The following EPB41L2 variants were observed in gnomAD, a reference collection of about 807,000 sequenced individuals.
The protein encoded by EPB41L2 is band 4.1-like protein 2.
EPB41L2 carries 43 observed loss-of-function variants against 113.0 expected under a neutral mutation model. The observed-to-expected ratio is 0.38, with a 90% confidence interval of 0.30 to 0.49. The LOEUF (loss-of-function observed/expected upper bound fraction) is 0.49, where lower values mean the gene tolerates loss of function less well. Ranked by LOEUF, EPB41L2 falls within the 20% of genes least tolerant of loss-of-function variation. The pLI is 0.95. For synonymous variants in EPB41L2, 442 were observed against 436.7 expected (o/e 1.01, Z -0.15); for missense variants, 1,147 against 1,223.4 (o/e 0.94, Z 0.93).
At chr6:131,005,668 AGGC>A (rs1785342679) in intron 1 of EPB41L2, among the ~76,000 whole-genome samples, 5 of 152,318 alleles carry the variant, frequency 3.3e-5, no homozygotes, top group African/African-American at 9.6e-5. Flanking sequence ...CCTACTTAAA[AGGC>A]AAATCTCAGT....
At chr6:130,906,995 AAACAT>A (rs1200162691) in intron 5 of EPB41L2, among the ~76,000 whole-genome samples, 15 of 152,222 alleles carry the variant, frequency 9.9e-5, no homozygotes, top group South Asian at 4.1e-4. Flanking sequence ...CAGATAATCA[AAACAT>A]AAGAACATGA....
intron 3 of EPB41L2, among the ~76,000 whole-genome samples, chr6:130,934,064 T>C (rs756412262): frequency 1.3e-5 from 2 of 152,170 alleles, no homozygotes; most frequent in Non-Finnish European, 2.9e-5. Flanking sequence ...AAGAAAGGTA[T>C]GCACAGAGCA....
rs189285314 is a variant in EPB41L2, at chr6:131,000,426, A to T, written c.-14-43927T>A. Among the ~76,000 whole-genome samples, 2 of 152,138 alleles carry T rather than the reference A, an allele frequency of 1.3e-5. 1 individual carries two copies. Among genetic ancestry groups the T allele is most frequent in the East Asian group, 3.9e-4 (2 of 5,180 alleles). ...TTACACATAACTTTTAGGAAGAAAA[A>T]TACAAGCTGTCTCCCAGGAAATCTG... On this transcript the variant is annotated intron_variant, in intron 1 of 19. Transcript: ENST00000337057.
intron 1 of EPB41L2, among the ~76,000 whole-genome samples, chr6:131,035,204 A>T (rs1793051403): frequency 6.6e-6 from 1 of 152,242 alleles, no homozygotes; most frequent in Admixed American, 6.5e-5. Context: ...TACTTAAGGA[A>T]GGAAATGCCA....
chr6:130,917,137 C>T (rs187867103), intron 4 of EPB41L2, among the ~76,000 whole-genome samples: 5 of 152,290 alleles, frequency 3.3e-5, no homozygotes, highest in Admixed American at 3.3e-4. Context: ...GATATGCAAC[C>T]ACAGTCATCA....
intron 3 of EPB41L2, among the ~76,000 whole-genome samples, chr6:130,933,548 GT>G (rs577119694): frequency 0.011 from 1,231 of 109,752 alleles, 14 homozygotes; most frequent in African/African-American, 0.044. Flanking sequence ...CAGAGTTTTA[GT>G]TTTTTTAAAA....
intron 1 of EPB41L2, among the ~76,000 whole-genome samples, chr6:130,964,901 C>T (rs1422955386): frequency 1.3e-5 from 2 of 152,192 alleles, no homozygotes; most frequent in Non-Finnish European, 2.9e-5. Flanking sequence ...CAAACCCAGG[C>T]CGTCCAGCTC....
intron 1 of EPB41L2, among the ~76,000 whole-genome samples, chr6:131,025,749 TA>T (rs924533358): frequency 1.3e-5 from 2 of 152,134 alleles, no homozygotes; most frequent in Non-Finnish European, 2.9e-5. Flanking sequence ...CCAAACCCCC[TA>T]AAGTATGGAA....
chr6:130,890,877 C>T (rs545698251), intron 10 of EPB41L2, among the ~76,000 whole-genome samples: 1 of 152,212 alleles, frequency 6.6e-6, no homozygotes, highest in Admixed American at 6.5e-5. Flanking sequence ...AAGAAAACAT[C>T]TAACTCAGGA....
Position 130,926,722 on chromosome 6 carries a change from T to A in EPB41L2, c.706-13A>T, listed in dbSNP as rs1804863279. ...CCTTGGCATGTTTCTGGAGAAAAAA[T>A]AATAACTTTACTTTTCAAGTACTAA... On this transcript the variant is annotated splice_polypyrimidine_tract_variant and intron_variant, in intron 3 of 19. Transcript: ENST00000337057. 6.4e-7 allele frequency: 1 copy of A among 1,554,936 alleles called. No homozygotes were observed. Among genetic ancestry groups the A allele is most frequent in the Non-Finnish European group, 8.7e-7 (1 of 1,144,560 alleles).
intron 1 of EPB41L2, among the ~76,000 whole-genome samples, chr6:131,007,563 A>C (rs1210524770): frequency 6.6e-6 from 1 of 152,160 alleles, no homozygotes; most frequent in Non-Finnish European, 1.5e-5. Flanking sequence ...ACTCAGAAGA[A>C]GATAGGAAAA....
intron 1 of EPB41L2, among the ~76,000 whole-genome samples, chr6:131,044,586 A>C (rs1795067259): frequency 6.6e-6 from 1 of 152,132 alleles, no homozygotes; most frequent in Non-Finnish European, 1.5e-5. Context: ...CTTGGAAGAT[A>C]CCCCGGTGGT....
chr6:130,985,458 G>A (rs574732816), intron 1 of EPB41L2, among the ~76,000 whole-genome samples: 34 of 152,132 alleles, frequency 2.2e-4, no homozygotes, highest in Non-Finnish European at 4.4e-4. Context: ...GAACCAGTGC[G>A]TGGGACAAGA....
chr6:130,885,285 A>G lies in EPB41L2; in HGVS notation c.1661-17T>C, dbSNP rs755681783. The G allele has an allele frequency of 1.9e-6, 3 of 1,613,740 alleles. No homozygotes were observed. The highest frequency in any genetic ancestry group is 2.5e-6 in the Non-Finnish European group (3 of 1,179,716). On this transcript the variant is annotated splice_polypyrimidine_tract_variant and intron_variant, in intron 11 of 19. Transcript: ENST00000337057. Reference sequence around the variant, plus strand: ...CAATCGGAGCTAGTAAAGAGTGACAATTTTGGATTATTTTAGGACATATGA... The same window carrying G: ...CAATCGGAGCTAGTAAAGAGTGACAGTTTTGGATTATTTTAGGACATATGA...
At chr6:130,914,358 A>G (rs1800303166) in intron 4 of EPB41L2, among the ~76,000 whole-genome samples, 1 of 152,222 alleles carries the variant, frequency 6.6e-6, no homozygotes, top group African/African-American at 2.4e-5. Flanking sequence ...TTTAATCTCT[A>G]TATGAATATT....
intron 16 of EPB41L2, among the ~76,000 whole-genome samples, 177 bp downstream of exon 16, chr6:130,867,282 C>T (rs140271589): frequency 1.3e-5 from 2 of 152,294 alleles, no homozygotes; most frequent in East Asian, 1.9e-4. Flanking sequence ...AATTGCAGCT[C>T]TCTGTCTCAA....
At chr6:130,862,489 T>C (rs1037285055) in intron 18 of EPB41L2, among the ~76,000 whole-genome samples, 6 of 152,176 alleles carry the variant, frequency 3.9e-5, no homozygotes, top group Admixed American at 6.5e-5. Flanking sequence ...CAGTGGATAG[T>C]AGAATAAATC....
intron 14 of EPB41L2, among the ~76,000 whole-genome samples, chr6:130,874,241 C>T (rs958483564): frequency 1.1e-4 from 16 of 151,654 alleles, no homozygotes; most frequent in African/African-American, 3.6e-4. Flanking sequence ...CAAACTACAG[C>T]CACTTTGAAA....
intron 6 of EPB41L2, among the ~76,000 whole-genome samples, chr6:130,904,171 T>C (rs960635865): frequency 6.6e-5 from 10 of 152,176 alleles, no homozygotes; most frequent in African/African-American, 2.4e-4. Flanking sequence ...AAATCTCAAA[T>C]ATTAAATATT....
Sources: gnomAD v4.1 joint callset for allele counts (sites outside exome capture counted in the v4.1 genomes callset) on GRCh38, gnomAD v4.1.1 for gene constraint, MANE v1.5 for transcripts, NCBI Gene and HGNC (gene_info 2026-07-23, HGNC 2026-07-21) for gene names.